PDE1A: variants seen among roughly 807,000 people sequenced by gnomAD.
PDE1A encodes the protein phosphodiesterase 1A.
A neutral mutation model predicts 61.7 loss-of-function variants in PDE1A; 35 were observed. The observed-to-expected ratio is 0.57, with a 90% CI of 0.43 to 0.75. PDE1A has a LOEUF of 0.75. Ranked by LOEUF, PDE1A falls within the 30% of genes least tolerant of loss-of-function variation. The probability of loss-of-function intolerance (pLI) is 0.00; values close to 1 mark genes in which losing one functional copy is unlikely to be tolerated. For synonymous variants in PDE1A, 232 were observed against 213.2 expected, an observed-to-expected ratio of 1.09 and a Z score of -0.77; for missense variants, 597 against 630.6, an observed-to-expected ratio of 0.95 and a Z score of 0.57.
the PDE1A span, among the ~76,000 whole-genome samples, chr2:182,614,673 T>C: frequency 6.6e-6 from 1 of 151,360 alleles, no homozygotes; most frequent in Non-Finnish European, 1.5e-5. Flanking sequence ...TTCTCCTGTC[T>C]CAGCCTCCCG....
chr2:182,365,441 G>C (rs1024528149), intron 1 of PDE1A, among the ~76,000 whole-genome samples: 2 of 151,930 alleles, frequency 1.3e-5, no homozygotes, highest in Admixed American at 1.3e-4. Flanking sequence ...AACTTAGCTA[G>C]TATAAATATG....
At chr2:182,398,047 G>T (rs1260653889) in intron 1 of PDE1A, among the ~76,000 whole-genome samples, 3 of 151,904 alleles carry the variant, frequency 2.0e-5, no homozygotes, top group Non-Finnish European at 4.4e-5. Flanking sequence ...GATGAACATG[G>T]TTTAGATAGA....
chr2:182,210,274 T>C (rs1460685994), intron 7 of PDE1A, among the ~76,000 whole-genome samples: 1 of 152,110 alleles, frequency 6.6e-6, no homozygotes, highest in Non-Finnish European at 1.5e-5. Flanking sequence ...TAAATGAGAG[T>C]TCCTGCTGCT....
the PDE1A span, among the ~76,000 whole-genome samples, chr2:182,579,825 T>A: frequency 6.6e-6 from 1 of 152,142 alleles, no homozygotes; most frequent in Non-Finnish European, 1.5e-5. Flanking sequence ...AAAAGAATGA[T>A]CATTATAGGA....
the PDE1A span, among the ~76,000 whole-genome samples, chr2:182,653,454 C>A: frequency 1.3e-5 from 2 of 152,018 alleles, no homozygotes; most frequent in Non-Finnish European, 2.9e-5. Context: ...AACTATTTGG[C>A]CATACACTTG....
the PDE1A span, among the ~76,000 whole-genome samples, chr2:182,620,005 C>T: frequency 1.3e-5 from 2 of 152,032 alleles, no homozygotes; most frequent in African/African-American, 4.8e-5. Flanking sequence ...GCCTAATCAC[C>T]TCTTAAAGGC....
chr2:182,592,415 TAAGATTTAAA>T, the PDE1A span, among the ~76,000 whole-genome samples: 1 of 152,226 alleles, frequency 6.6e-6, no homozygotes, highest in Non-Finnish European at 1.5e-5. Flanking sequence ...ATTTGAGTAT[TAAGATTTAAA>T]TGGTGCTAGA....
chr2:182,555,263 A>G, the PDE1A span, among the ~76,000 whole-genome samples: 2 of 152,236 alleles, frequency 1.3e-5, no homozygotes, highest in Non-Finnish European at 2.9e-5. Flanking sequence ...ATGCTACCTG[A>G]GTTAATTACA....
At chr2:182,682,352 CAT>C in the PDE1A span, among the ~76,000 whole-genome samples, 755 of 152,254 alleles carry the variant, frequency 5.0e-3, 11 homozygotes, top group African/African-American at 0.018. Context: ...GAAATGTAAA[CAT>C]GTGTGGGGAA....
the PDE1A span, among the ~76,000 whole-genome samples, chr2:182,555,650 T>G: frequency 2.6e-5 from 4 of 152,094 alleles, no homozygotes; most frequent in African/African-American, 7.2e-5. Context: ...ATCAGGAATT[T>G]TTTAAGATAA....
intron 2 of PDE1A, among the ~76,000 whole-genome samples, chr2:182,445,011 T>C (rs1456794585): frequency 6.6e-6 from 1 of 152,028 alleles, no homozygotes; most frequent in Non-Finnish European, 1.5e-5. Flanking sequence ...CTGTAGAAAA[T>C]GGAATTTTAG....
At chr2:182,289,552 C>A (rs1175752621) in intron 1 of PDE1A, among the ~76,000 whole-genome samples, 1 of 152,118 alleles carries the variant, frequency 6.6e-6, no homozygotes, top group Admixed American at 6.6e-5. Context: ...TAATCACAAA[C>A]TCTTCCTTGT....
At chr2:182,646,393 A>T in the PDE1A span, among the ~76,000 whole-genome samples, 383 of 118,520 alleles carry the variant, frequency 3.2e-3, 4 homozygotes, top group South Asian at 0.028. Context: ...TGAAGGTTCA[A>T]AAAAAAAAAA....
At chr2:182,499,186 T>TGTTTTTG (rs1298552389) in intron 2 of PDE1A, among the ~76,000 whole-genome samples, 1 of 135,218 alleles carries the variant, frequency 7.4e-6, no homozygotes, top group African/African-American at 2.8e-5. Flanking sequence ...TTTTTTTTTT[T>TGTTTTTG]TTTTTTTTGA....
chr2:182,293,958 C>T (rs564552839), intron 1 of PDE1A, among the ~76,000 whole-genome samples: 223 of 152,184 alleles, frequency 1.5e-3, no homozygotes, highest in African/African-American at 5.1e-3. Flanking sequence ...ATCATCAAGC[C>T]ATGATGATGT....
chr2:182,238,512 G>A (rs1049186858), intron 3 of PDE1A, among the ~76,000 whole-genome samples: 1 of 152,056 alleles, frequency 6.6e-6, no homozygotes, highest in African/African-American at 2.4e-5. Flanking sequence ...GGCTTGCCAG[G>A]GAATTGAATC....
At chr2:182,423,536 A>G (rs1703412859) in intron 1 of PDE1A, among the ~76,000 whole-genome samples, 1 of 152,218 alleles carries the variant, frequency 6.6e-6, no homozygotes, top group Non-Finnish European at 1.5e-5. Flanking sequence ...TGCTGATGAA[A>G]AACTGATTTT....
chr2:182,415,815 G>A (rs1702881371), intron 1 of PDE1A, among the ~76,000 whole-genome samples: 2 of 152,136 alleles, frequency 1.3e-5, no homozygotes, highest in East Asian at 1.9e-4. Flanking sequence ...AAACTTGCAT[G>A]GAAATCATGG....
chr2:182,312,747 G>A (rs533844805), intron 1 of PDE1A, among the ~76,000 whole-genome samples: 11 of 151,074 alleles, frequency 7.3e-5, no homozygotes, highest in East Asian at 1.9e-4. Context: ...TTCTAACTTC[G>A]TTCTTCTTTT....
Sources: allele counts gnomAD v4.1 joint callset (sites outside exome capture counted in the v4.1 genomes callset), GRCh38; gene constraint gnomAD v4.1.1; transcripts MANE v1.5; gene names NCBI Gene and HGNC (gene_info 2026-07-23, HGNC 2026-07-21).